The following DMD variants were observed in gnomAD, a reference collection of about 807,000 sequenced individuals.
DMD encodes mutant dystrophin.
DMD carries 63 observed loss-of-function variants against 330.1 expected under a neutral mutation model. That is an observed-to-expected ratio of 0.19 (90% CI 0.16 to 0.24). The LOEUF is 0.24. Among genes scored for constraint, DMD ranks in the 10% least tolerant of loss-of-function variants. The pLI is 1.00. For synonymous variants in DMD, 1,223 were observed against 959.8 expected (o/e 1.27, Z -5.07); for missense variants, 3,344 against 2,684.1 (o/e 1.25, Z -5.43).
At chrX:31,525,215 A>G (rs1279870262) in intron 55 of DMD, among the ~76,000 whole-genome samples, 1 of 112,102 alleles carries the variant, frequency 8.9e-6, no homozygotes, top group Non-Finnish European at 1.9e-5. Flanking sequence ...TTGAGATCCA[A>G]GATGATCATT....
chrX:32,881,231 T>C (rs2083914663), intron 2 of DMD, among the ~76,000 whole-genome samples: 1 of 112,327 alleles, frequency 8.9e-6, no homozygotes, highest in Non-Finnish European at 1.9e-5. Flanking sequence ...CTAAAAACAA[T>C]AGAAACAAAA....
rs2053040780 is a variant in DMD, at chrX:33,266,331, A to G, written c.7+72928T>C. Reference sequence around the variant, plus strand: ...GAAGTACAAGTTTAATATAATTAAAAGTGCAATGTTGAAATCAGCAAGAGT... The same window carrying G: ...GAAGTACAAGTTTAATATAATTAAAGGTGCAATGTTGAAATCAGCAAGAGT... On this transcript the variant is annotated intron_variant, in intron 1 of 17. Coordinates refer to the DMD transcript ENST00000288447. Among the ~76,000 whole-genome samples, 3 of 112,208 alleles carry G rather than the reference A, an allele frequency of 2.7e-5. 1 individual carries two copies. In the South Asian group the frequency reaches 1.1e-3, roughly 41 times the overall value.
At chrX:31,779,095 T>G (rs1427883733) in intron 50 of DMD, among the ~76,000 whole-genome samples, 1 of 111,883 alleles carries the variant, frequency 8.9e-6, no homozygotes, top group Non-Finnish European at 1.9e-5. Flanking sequence ...AGGGTCGTAT[T>G]GTTGTGCCAA....
intron 12 of DMD, among the ~76,000 whole-genome samples, chrX:32,606,426 T>C (rs1025759392): frequency 6.4e-5 from 7 of 109,424 alleles, no homozygotes; most frequent in Non-Finnish European, 1.3e-4. Flanking sequence ...GGCAAGGATG[T>C]GGAGAAAAGA....
At chrX:32,444,297 A>T (rs983658442) in intron 27 of DMD, among the ~76,000 whole-genome samples, 2 of 110,517 alleles carry the variant, frequency 1.8e-5, no homozygotes, top group Non-Finnish European at 1.9e-5. Flanking sequence ...TGTATCACAC[A>T]TGAGGGCAGA....
intron 64 of DMD, among the ~76,000 whole-genome samples, chrX:31,220,444 A>G (rs1382482226): frequency 8.9e-6 from 1 of 111,820 alleles, no homozygotes; most frequent in East Asian, 2.8e-4. Context: ...TTATGCTGAC[A>G]TCCCAGCAAC....
intron 7 of DMD, among the ~76,000 whole-genome samples, chrX:32,778,243 CAAAAA>C (rs35311570): frequency 3.0e-5 from 2 of 67,659 alleles, no homozygotes; most frequent in Admixed American, 1.7e-4. Context: ...CAGATCCTCG[CAAAAA>C]AAAAAAAAAA....
intron 6 of DMD, among the ~76,000 whole-genome samples, chrX:32,813,451 G>A (rs368938564): frequency 6.8e-4 from 76 of 111,457 alleles, no homozygotes; most frequent in African/African-American, 2.0e-3. Flanking sequence ...GGTAAATTAC[G>A]TAACCTCTCT....
At chrX:32,885,664 C>T (rs1003891948) in intron 2 of DMD, among the ~76,000 whole-genome samples, 1 of 110,357 alleles carries the variant, frequency 9.1e-6, no homozygotes, top group Admixed American at 9.7e-5. Context: ...AATAAAGAAA[C>T]TTACAATGTG....
rs1459176338 is a variant in DMD, at chrX:33,209,822, G to T, written c.31+1460C>A. ...TTATTTGAATATCTATGACAAAGCA[G>T]AGTGTAGATTTACCTTGCTTAATTT... On this transcript the variant is annotated intron_variant, in intron 1 of 78. Coordinates refer to ENST00000357033, the MANE Select transcript of DMD (RefSeq NM_004006.3). Among the ~76,000 whole-genome samples the T allele has an allele frequency of 2.7e-5, 3 of 110,085 alleles. No homozygotes were observed. In the East Asian group the frequency reaches 8.5e-4, roughly 31 times the overall value.
chrX:32,283,319 T>C (rs1397861925), intron 43 of DMD, among the ~76,000 whole-genome samples: 1 of 111,790 alleles, frequency 8.9e-6, no homozygotes, highest in East Asian at 2.8e-4. Flanking sequence ...CACAGCATTA[T>C]TGCGGTCATA....
intron 32 of DMD, among the ~76,000 whole-genome samples, chrX:32,388,915 T>G (rs752200631): frequency 4.2e-4 from 47 of 111,829 alleles, no homozygotes; most frequent in Non-Finnish European, 7.7e-4. Flanking sequence ...TAAATCAGAT[T>G]TATACTTTAG....
chrX:32,858,532 G>C (rs147581534), intron 2 of DMD, among the ~76,000 whole-genome samples: 2,132 of 111,151 alleles, frequency 0.019, 61 homozygotes, highest in African/African-American at 0.066. Flanking sequence ...GTTTCACTAT[G>C]TTGGTCAGGC....
At chrX:31,860,894 A>G (rs940632143) in intron 48 of DMD, among the ~76,000 whole-genome samples, 5 of 112,196 alleles carry the variant, frequency 4.5e-5, no homozygotes, top group African/African-American at 6.5e-5. Context: ...TTGTGCTACA[A>G]TTTGTCATCA....
intron 1 of DMD, among the ~76,000 whole-genome samples, chrX:33,327,887 G>A (rs1000657713): frequency 5.3e-4 from 59 of 111,866 alleles, no homozygotes; most frequent in Non-Finnish European, 1.3e-4. Context: ...TTTGGCGGGG[G>A]TTGTTCCAAA....
intron 47 of DMD, among the ~76,000 whole-genome samples, chrX:31,892,456 A>G (rs758492464): frequency 1.8e-5 from 2 of 110,111 alleles, no homozygotes; most frequent in Admixed American, 9.7e-5. Flanking sequence ...TGGATTCCGA[A>G]GGCATAGTAC....
chrX:32,612,110 G>A (rs995807458), intron 12 of DMD, among the ~76,000 whole-genome samples: 1 of 111,286 alleles, frequency 9.0e-6, no homozygotes, highest in Non-Finnish European at 1.9e-5. Flanking sequence ...ATGAGAGCAC[G>A]GGGACGTTCA....
chrX:32,689,958 C>T (rs183762892), intron 9 of DMD, among the ~76,000 whole-genome samples: 4 of 109,953 alleles, frequency 3.6e-5, no homozygotes, highest in Admixed American at 9.8e-5. Context: ...ACAACAACTG[C>T]GAACTGAAAG....
chrX:32,784,640 T>C (rs1272701608), intron 7 of DMD, among the ~76,000 whole-genome samples: 2 of 111,778 alleles, frequency 1.8e-5, no homozygotes, highest in African/African-American at 6.5e-5. Flanking sequence ...TCTTATCGAT[T>C]TATGCATTTA....
Sources: gnomAD v4.1 joint callset for allele counts (sites outside exome capture counted in the v4.1 genomes callset) on GRCh38, gnomAD v4.1.1 for gene constraint, MANE v1.5 for transcripts, NCBI Gene and HGNC (gene_info 2026-07-23, HGNC 2026-07-21) for gene names.